Variants in LGALS8 observed in about 807,000 individuals in gnomAD.
LGALS8 encodes galectin-8.
In LGALS8, 30 loss-of-function variants were observed where a neutral mutation model predicts 35.9. The observed-to-expected ratio is 0.83, with a 90% CI of 0.62 to 1.13. The LOEUF is 1.13. LGALS8 is among the 50% of genes most tolerant of loss of function. LGALS8 has a pLI of 0.00. For missense variants in LGALS8, 366 were observed against 388.7 expected (o/e 0.94, Z 0.49); for synonymous variants, 138 against 136.1 (o/e 1.01, Z -0.10).
chr1:236,519,066 T>C (rs971652406), upstream of LGALS8, among the ~76,000 whole-genome samples: 1 of 152,134 alleles, frequency 6.6e-6, no homozygotes, highest in Non-Finnish European at 1.5e-5. Context: ...ATGTGGGCTC[T>C]ATATATATAA....
upstream of LGALS8, among the ~76,000 whole-genome samples, chr1:236,522,374 C>A (rs1476911524): frequency 6.6e-6 from 1 of 152,032 alleles, no homozygotes; most frequent in Non-Finnish European, 1.5e-5. Flanking sequence ...GAGGCCAAGG[C>A]AGGAAGATAT....
At chr1:236,522,261 C>T (rs1445850822), upstream of LGALS8, among the ~76,000 whole-genome samples, 1 of 152,142 alleles carries the variant, frequency 6.6e-6, no homozygotes, top group East Asian at 1.9e-4. Flanking sequence ...AGAAACACAG[C>T]ATTTATGTGT....
upstream of LGALS8, among the ~76,000 whole-genome samples, chr1:236,521,000 C>T (rs991561110): frequency 2.6e-5 from 4 of 152,240 alleles, no homozygotes; most frequent in African/African-American, 9.6e-5. Context: ...CTTTCCTTGT[C>T]ACCCAACTAA....
intron 2 of LGALS8, among the ~76,000 whole-genome samples, chr1:236,528,739 G>C (rs955863668): frequency 6.6e-6 from 1 of 151,356 alleles, no homozygotes; most frequent in African/African-American, 2.4e-5. Context: ...GTTTTGCCAT[G>C]TTTCTCAGTC....
upstream of LGALS8, chr1:236,523,174 G>A (rs962811050): frequency 6.6e-6 from 1 of 152,078 alleles, no homozygotes; most frequent in Non-Finnish European, 1.5e-5. Context: ...CTGAGAAGTC[G>A]GGTATTTAAG....
chr1:236,537,598 T>C lies in LGALS8; in HGVS notation c.134+13T>C. 1 of 1,555,032 alleles carries C rather than the reference T, an allele frequency of 6.4e-7. No homozygotes were observed. Among genetic ancestry groups the C allele is most frequent in the Non-Finnish European group, 8.9e-7 (1 of 1,125,154 alleles). ...GTGACGCAGACAGGTAAAATCACTGTGCTAAAGGAAGGAGCATGAATAGGC... is the reference window on the plus strand; with the variant it reads ...GTGACGCAGACAGGTAAAATCACTGCGCTAAAGGAAGGAGCATGAATAGGC... On this transcript the variant is annotated intron_variant, in intron 3 of 9. Coordinates refer to ENST00000366584, the MANE Select transcript of LGALS8 (RefSeq NM_201544.4).
rs61261486 is a variant in LGALS8, at chr1:236,528,546, ATT to A, written c.45+2453_45+2454del. On this transcript the variant is annotated intron_variant, in intron 2 of 9. Transcript: ENST00000366584. ...AATTTTTATTTCATTAATGTTTCCAATTTTTTTTTTTTTTTTTTTTTTTAAGA... is the reference window on the plus strand; with the variant it reads ...AATTTTTATTTCATTAATGTTTCCAATTTTTTTTTTTTTTTTTTTTTAAGA... 8.7e-3 allele frequency among the ~76,000 whole-genome samples: 906 copies of A among 104,208 alleles called. 18 individuals are homozygous for A. The highest frequency in any genetic ancestry group is 0.026 in the African/African-American group (707 of 27,120). The allele number at this position is 104,208 out of a possible 152,430, so 68.4% of individuals were successfully genotyped here.
At position 236,548,231 on chromosome 1, in the gene LGALS8, C is replaced by T. The variant is rs998270554; in HGVS notation, c.*70C>T. On this transcript the variant is annotated 3_prime_UTR_variant, in exon 10 of 10. Transcript: ENST00000366584. Reference sequence around the variant, plus strand: ...CTGTGATACTGGCCTTGCTGAAACGCATCTCACTGTCATTCTATTGTTTAT... The same window carrying T: ...CTGTGATACTGGCCTTGCTGAAACGTATCTCACTGTCATTCTATTGTTTAT... 7.6e-7 allele frequency: 1 copy of T among 1,316,432 alleles called. No individual in the cohort carries two copies. Among genetic ancestry groups the T allele is most frequent in the African/African-American group, 1.5e-5 (1 of 68,016 alleles). The allele number at this position is 1,316,432 out of a possible 1,614,324, so 81.5% of individuals were successfully genotyped here.
chr1:236,533,157 G>C (rs567070246), intron 2 of LGALS8, among the ~76,000 whole-genome samples: 1 of 152,220 alleles, frequency 6.6e-6, no homozygotes, highest in South Asian at 2.1e-4. Context: ...CCCTGACTGC[G>C]TGCTGAGAGA....
chr1:236,519,116 T>TG (rs563266654), upstream of LGALS8, among the ~76,000 whole-genome samples: 550 of 152,028 alleles, frequency 3.6e-3, 2 homozygotes, highest in Middle Eastern at 6.8e-3. Context: ...TGCCTGGGTA[T>TG]GGTGGCTCAT....
chr1:236,537,153 A>C (rs953505526), intron 2 of LGALS8, among the ~76,000 whole-genome samples: 2 of 151,338 alleles, frequency 1.3e-5, no homozygotes, highest in Non-Finnish European at 2.9e-5. Context: ...AGTAGCTGGG[A>C]CTACAGGCGC....
chr1:236,538,024 G>C (rs1415305772), intron 3 of LGALS8, among the ~76,000 whole-genome samples: 5 of 147,244 alleles, frequency 3.4e-5, no homozygotes, highest in Non-Finnish European at 7.4e-5. Flanking sequence ...AGGATTCCTT[G>C]AGCCCAGGAG....
intron 9 of LGALS8, chr1:236,545,295 TAGACGGTTTC>T (rs61691038): frequency 0.61 from 96,273 of 157,604 alleles, 30,303 homozygotes; most frequent in Non-Finnish European, 0.69. Context: ...CCCATCAGGG[TAGACGGTTTC>T]AGGTGGCAGT....
chr1:236,541,786 A>C, intron 6 of LGALS8, 76 bp downstream of exon 6: 1 of 745,714 alleles, frequency 1.3e-6, no homozygotes, highest in Non-Finnish European at 2.2e-6. Flanking sequence ...AATGGCAAGA[A>C]GGCTGGGTTT....
In LGALS8 at chr1:236,550,895, G is replaced by A. The variant is rs555603957; in HGVS notation, c.*2734G>A. ...TCTGAGTAGAGTATGAAACACCACAGAAAGTCTTAGAAATAGCTCTGGAGT... is the reference window on the plus strand; with the variant it reads ...TCTGAGTAGAGTATGAAACACCACAAAAAGTCTTAGAAATAGCTCTGGAGT... On this transcript the variant is annotated 3_prime_UTR_variant, in exon 10 of 10. Coordinates refer to ENST00000366584, the MANE Select transcript of LGALS8 (RefSeq NM_201544.4). 1 of 1,585,490 alleles carries A rather than the reference G, an allele frequency of 6.3e-7. No homozygotes were observed. Among genetic ancestry groups the A allele is most frequent in the Non-Finnish European group, 8.6e-7 (1 of 1,168,618 alleles).
Position 236,548,693 on chromosome 1 carries a change from A to ACAACTC in LGALS8, c.*534_*539dup, listed in dbSNP as rs1662566353. Reference sequence around the variant, plus strand: ...CCGAAGACACTAACTTACAGAAGACACAACTCCTTCCCCAGTGATCACTGT... The same window carrying ACAACTC: ...CCGAAGACACTAACTTACAGAAGACACAACTCCAACTCCTTCCCCAGTGATCACTGT... On this transcript the variant is annotated 3_prime_UTR_variant, in exon 10 of 10. Coordinates refer to ENST00000366584, the MANE Select transcript of LGALS8 (RefSeq NM_201544.4). The ACAACTC allele has an allele frequency of 7.9e-6, 3 of 379,208 alleles. No individual in the cohort carries two copies. The East Asian group carries it at 1.1e-4, about 14-fold the overall frequency. 23.5% of individuals were successfully genotyped at this position (379,208 alleles called of 1,614,324 possible).
chr1:236,539,196 T>A, intron 4 of LGALS8, 107 bp downstream of exon 4: 1 of 914,044 alleles, frequency 1.1e-6, no homozygotes, highest in Non-Finnish European at 1.7e-6. Context: ...ACCTGAGATA[T>A]AGTTTGTTTG....
chr1:236,523,354 C>CTGAA (rs1054626474), upstream of LGALS8: 13 of 152,678 alleles, frequency 8.5e-5, no homozygotes, highest in Admixed American at 1.3e-4. Flanking sequence ...GTCCAGCGTA[C>CTGAA]TGAACCCTTC....
rs151201838 is a variant in LGALS8 at position 236,538,950 on chromosome 1, G to A, written c.206G>A (p.Arg69His). ...GATGTGGCCTTTCATTTCAATCCTC[G>A]TTTCAAAAGGGCCGGCTGCATTGTT... ...RADVAFHFNP[R>H]FKRAGCIVCN... Residue 69 changes from arginine to histidine, a missense_variant, in exon 4 of 10, where the codon CGT becomes CAT. By Grantham distance (29) the Arg-to-His change is conservative. Coordinates refer to ENST00000366584, the MANE Select transcript of LGALS8 (RefSeq NM_201544.4). The A allele has an allele frequency of 1.1e-5, 17 of 1,613,862 alleles. No individual in the cohort carries two copies. The African/African-American group carries it at 1.1e-4, about 10-fold the overall frequency.
Sources: allele counts gnomAD v4.1 joint callset (sites outside exome capture counted in the v4.1 genomes callset), GRCh38; gene constraint gnomAD v4.1.1; transcripts MANE v1.5; gene names NCBI Gene and HGNC (gene_info 2026-07-23, HGNC 2026-07-21).